The following MYO1F variants were observed in gnomAD, a reference collection of about 807,000 sequenced individuals.
MYO1F encodes the protein myosin IF.
A neutral mutation model predicts 146.6 loss-of-function variants in MYO1F; 60 were observed. The observed-to-expected ratio is 0.41, with a 90% CI of 0.33 to 0.51. The LOEUF is 0.51. Ranked by LOEUF, MYO1F falls within the 20% of genes least tolerant of loss-of-function variation. The pLI is 0.25. For synonymous variants in MYO1F, 602 were observed against 602.1 expected, an observed-to-expected ratio of 1.00 and a Z score of 0.00; for missense variants, 1,274 against 1,534.3, an observed-to-expected ratio of 0.83 and a Z score of 2.83.
rs563897244 is a variant in MYO1F, at chr19:8,559,169, C to T, written c.4-3373G>A. 8.6e-5 allele frequency among the ~76,000 whole-genome samples: 13 copies of T among 151,912 alleles called. No homozygotes were observed. In the South Asian group the frequency reaches 2.3e-3, roughly 27 times the overall value. On this transcript the variant is annotated intron_variant, in intron 1 of 27. Transcript: ENST00000644032. ...TGCTGGGATTACAGGCATGAGCCAC[C>T]GCTCCCAGCCCAGGATTGAAGTCTT... is the stretch of plus-strand genomic sequence containing the variant.
chr19:8,550,264 G>A lies in MYO1F; in HGVS notation c.997C>T (p.Arg333Cys), dbSNP rs759248390. 38 of 1,614,000 alleles carry A rather than the reference G, an allele frequency of 2.4e-5. No homozygotes were observed. The highest frequency in any genetic ancestry group is 3.1e-5 in the Non-Finnish European group (36 of 1,180,042). The change falls in exon 10 of 28, where the codon CGC (arginine) becomes TGC (cysteine). Residue 333 changes from arginine to cysteine, a missense_variant. By Grantham distance (180) the Arg-to-Cys change is radical. Coordinates refer to ENST00000644032, the MANE Select transcript of MYO1F (RefSeq NM_012335.4). ...AGGGTCACATTGATGGACTCGCTGC[G>A]CCCGCCCCAGCGGCTGTCCATCTTG... ...SRKMDSRWGG[R>C]SESINVTLNV... is the part of the protein sequence containing the mutation.
chr19:8,554,091 T>C (rs1258685313), intron 4 of MYO1F, among the ~76,000 whole-genome samples: 1 of 151,888 alleles, frequency 6.6e-6, no homozygotes, highest in Non-Finnish European at 1.5e-5. Context: ...CTTGAGTAGC[T>C]GGGGACTACA....
chr19:8,529,987 T>C, intron 21 of MYO1F: 1 of 683,030 alleles, frequency 1.5e-6, no homozygotes, highest in Non-Finnish European at 2.6e-6. Flanking sequence ...CTGTGCCAGG[T>C]GAGGGTATAC....
At chr19:8,560,459 T>C (rs1273524752) in intron 1 of MYO1F, among the ~76,000 whole-genome samples, 1 of 148,700 alleles carries the variant, frequency 6.7e-6, no homozygotes, top group Non-Finnish European at 1.5e-5. Context: ...CACTCCAACC[T>C]GGGCAAACAT....
In MYO1F at chr19:8,554,642, C is replaced by A. The variant is rs1203543748; in HGVS notation, c.231+12G>T. ...TCTGGGGGCTGTGCCTCCCACCCAG[C>A]CCCAGCCTCACCGCGCCCTGATAGA... On this transcript the variant is annotated intron_variant, in intron 3 of 27. Coordinates refer to ENST00000644032, the MANE Select transcript of MYO1F (RefSeq NM_012335.4). The A allele has an allele frequency of 1.9e-6, 3 of 1,613,756 alleles. No homozygotes were observed. Among genetic ancestry groups the A allele is most frequent in the Non-Finnish European group, 2.5e-6 (3 of 1,179,790 alleles).
At chr19:8,557,166 T>C (rs1973896655) in intron 1 of MYO1F, among the ~76,000 whole-genome samples, 1 of 152,056 alleles carries the variant, frequency 6.6e-6, no homozygotes, top group Admixed American at 6.6e-5. Context: ...GTGTCTGTGA[T>C]CATAGCTACT....
rs1254606238 is a variant in MYO1F, at chr19:8,527,472, C to T, written c.2340G>A (p.Arg780=). ...CACACTTGGGCGTCAGGATCAAGTC[C>T]CGCTTGATGGGCTGTGGGGATGCAG... ...KYDRRFKPIK[R]DLILTPKCVY... is the part of the protein sequence containing the mutation. Residue 780 remains arginine, a synonymous_variant, in exon 22 of 28, where the codon CGG becomes CGA. Transcript: ENST00000644032. 3 of 1,613,916 alleles carry T rather than the reference C, an allele frequency of 1.9e-6. No homozygotes were observed. Among genetic ancestry groups the T allele is most frequent in the Admixed American group, 1.7e-5 (1 of 59,966 alleles).
chr19:8,547,832 A>G, intron 12 of MYO1F: 1 of 586,780 alleles, frequency 1.7e-6, no homozygotes. Context: ...ATAATTGCTG[A>G]ATGAATGAAC....
At chr19:8,540,202 CA>C (rs1972902143) in intron 15 of MYO1F, 174 bp from the exon 16 acceptor site, 1 of 561,872 alleles carries the variant, frequency 1.8e-6, no homozygotes, top group Non-Finnish European at 3.1e-6. Context: ...TTTTTTGAGG[CA>C]GGGCCTCGCT....
chr19:8,573,383 G>A (rs781956633), intron 1 of MYO1F, among the ~76,000 whole-genome samples: 2 of 151,520 alleles, frequency 1.3e-5, no homozygotes, highest in Non-Finnish European at 2.9e-5. Flanking sequence ...ACCAGTGAAC[G>A]TCTTCACTCT....
At chr19:8,538,584 A>ATT (rs79984981) in intron 16 of MYO1F, among the ~76,000 whole-genome samples, 12,446 of 126,372 alleles carry the variant, frequency 0.098, 1,366 homozygotes, top group African/African-American at 0.25. Flanking sequence ...TCCCGGTCTG[A>ATT]TTTTTTTTTT....
rs895196288 is a variant in MYO1F at position 8,577,398 on chromosome 19, G to C, written c.-89C>G. 1 of 1,440,106 alleles carries C rather than the reference G, an allele frequency of 6.9e-7. No homozygotes were observed. Among genetic ancestry groups the C allele is most frequent in the African/African-American group, 1.4e-5 (1 of 71,536 alleles). The allele number at this position is 1,440,106 out of a possible 1,614,324, so 89.2% of individuals were successfully genotyped here. A position where few individuals can be genotyped will look rare whatever the true frequency, so the allele number is the denominator to read the frequency against. ...CAGGGGGATCTTGGGGGTGGCTTGG[G>C]CATGGCCCTGCTTCTGCCCGTTCAC... On this transcript the variant is annotated 5_prime_UTR_variant, in exon 1 of 28. Transcript: ENST00000644032. This position sits in a 1 kb window ranked among gnomAD's most constrained non-coding sequence, Gnocchi z 4.3.
At chr19:8,561,211 A>AG (rs1306574045) in intron 1 of MYO1F, among the ~76,000 whole-genome samples, 2 of 151,940 alleles carry the variant, frequency 1.3e-5, no homozygotes, top group Admixed American at 6.6e-5. Context: ...AACAGCTGGG[A>AG]GAAAGGGTGC....
In MYO1F at chr19:8,539,818, T is replaced by A. The variant is rs114938556; in HGVS notation, c.1692+129A>T. On this transcript the variant is annotated intron_variant, in intron 16 of 27. Coordinates refer to ENST00000644032, the MANE Select transcript of MYO1F (RefSeq NM_012335.4). ...CCCTGCTGAACAGATGACGTCACAG[T>A]CAGAGGCAGAAGCCCCAGGATTGGT... is the stretch of plus-strand genomic sequence containing the variant. 0.014 allele frequency: 11,388 copies of A among 802,058 alleles called. 176 individuals carry two copies. Among genetic ancestry groups the A allele is most frequent in the African/African-American group, 0.063 (3,662 of 57,702 alleles). 49.7% of individuals were successfully genotyped at this position (802,058 alleles called of 1,614,324 possible). A position where few individuals can be genotyped will look rare whatever the true frequency, so the allele number is the denominator to read the frequency against.
intron 12 of MYO1F, among the ~76,000 whole-genome samples, chr19:8,546,150 C>A (rs986608668): frequency 1.3e-5 from 2 of 150,204 alleles, no homozygotes; most frequent in African/African-American, 4.9e-5. Context: ...TCGCAACCTC[C>A]GCCTCCCGAG....
chr19:8,536,188 T>A, intron 19 of MYO1F, 64 bp downstream of exon 19: 2 of 1,530,142 alleles, frequency 1.3e-6, no homozygotes, highest in African/African-American at 1.4e-5. Flanking sequence ...TCTCTCTCAG[T>A]CCCTCTCTAT....
At chr19:8,525,804 C>T (rs949006762) in intron 24 of MYO1F, among the ~76,000 whole-genome samples, 1 of 152,150 alleles carries the variant, frequency 6.6e-6, no homozygotes, top group African/African-American at 2.4e-5. Context: ...TCATCACTAC[C>T]CAGTTCCAGG....
At chr19:8,529,814 CA>C in intron 21 of MYO1F, 1 of 406,874 alleles carries the variant, frequency 2.5e-6, no homozygotes, top group South Asian at 2.1e-5. Flanking sequence ...TACCTGTGGG[CA>C]GGTGTGTCTG....
rs139211736 is a variant in MYO1F, at chr19:8,550,174, C to G, written c.1087G>C (p.Asp363His). The G allele has an allele frequency of 7.4e-6, 12 of 1,614,112 alleles. No individual in the cohort carries two copies. Among genetic ancestry groups the G allele is most frequent in the African/African-American group, 2.7e-5 (2 of 75,072 alleles). ...GCCCCACTCGCCTCCACGAGGAAGT[C>G]GAAGAGGCGGGCATAGAGCCCCTTG... ...LAKGLYARLF[D>H]FLVEAINRAM... The change falls in exon 10 of 28, where the codon GAC becomes CAC. Residue 363 changes from aspartate to histidine, a missense_variant. Asp to His is a moderately conservative substitution (Grantham distance 81). Coordinates refer to ENST00000644032, the MANE Select transcript of MYO1F (RefSeq NM_012335.4).
Sources: gnomAD v4.1 joint callset for allele counts (sites outside exome capture counted in the v4.1 genomes callset) on GRCh38, gnomAD v4.1.1 for gene constraint, Gnocchi (gnomAD v3.1) non-coding constraint, MANE v1.5 for transcripts, NCBI Gene and HGNC (gene_info 2026-07-23, HGNC 2026-07-21) for gene names.